SCN1A: variants seen among roughly 807,000 people sequenced by gnomAD.
SCN1A encodes the protein sodium channel protein type 1 subunit alpha.
A neutral mutation model predicts 193.7 loss-of-function variants in SCN1A; 13 were observed. The ratio of observed to expected loss-of-function variants is 0.07; its 90% CI spans 0.04 to 0.11. The LOEUF (loss-of-function observed/expected upper bound fraction) is 0.11, where lower values mean the gene tolerates loss of function less well. Among genes scored for constraint, SCN1A ranks in the 10% least tolerant of loss-of-function variants. The probability of loss-of-function intolerance (pLI) is 1.00; values close to 1 mark genes in which losing one functional copy is unlikely to be tolerated. For missense variants in SCN1A, 1,432 were observed against 2,451.1 expected (o/e 0.58, Z 8.78); for synonymous variants, 781 against 843.6 (o/e 0.93, Z 1.29).
intron 2 of SCN1A, among the ~76,000 whole-genome samples, chr2:166,118,502 T>C (rs574909988): frequency 1.3e-5 from 2 of 151,826 alleles, no homozygotes; most frequent in Non-Finnish European, 2.9e-5. Flanking sequence ...CACAGACTCC[T>C]CAAATCACCT....
chr2:166,112,220 G>A (rs1689368205), intron 2 of SCN1A, among the ~76,000 whole-genome samples: 1 of 152,144 alleles, frequency 6.6e-6, no homozygotes. Context: ...TTTATTGTAA[G>A]AAATTGTCAC....
chr2:166,100,755 A>G (rs1687958564), intron 2 of SCN1A, among the ~76,000 whole-genome samples: 1 of 125,798 alleles, frequency 7.9e-6, no homozygotes, highest in Non-Finnish European at 1.7e-5. Context: ...AACACATGAA[A>G]AAATGCTCAT....
intron 19 of SCN1A, among the ~76,000 whole-genome samples, chr2:166,026,336 A>G (rs1366224811): frequency 6.6e-6 from 1 of 152,134 alleles, no homozygotes; most frequent in African/African-American, 2.4e-5. Flanking sequence ...ATAAAAGATG[A>G]AGTGGTCCAA....
At chr2:166,135,473 C>T (rs71426798) in intron 1 of SCN1A, among the ~76,000 whole-genome samples, 1,561 of 152,274 alleles carry the variant, frequency 0.01, 15 homozygotes, top group Admixed American at 0.017. Flanking sequence ...CACAGCAAAG[C>T]CATCTGTAAA....
At chr2:166,017,950 A>G (rs1693523848) in intron 19 of SCN1A, among the ~76,000 whole-genome samples, 1 of 152,042 alleles carries the variant, frequency 6.6e-6, no homozygotes, top group South Asian at 2.1e-4. Flanking sequence ...GTTGTCAGTA[A>G]TAAGCAGAAC....
chr2:166,002,525 C>T lies in SCN1A; in HGVS notation c.4231G>A (p.Val1411Met), dbSNP rs1691042935. The T allele has an allele frequency of 2.5e-6, 4 of 1,611,468 alleles. No individual in the cohort carries two copies. Among genetic ancestry groups the T allele is most frequent in the Admixed American group, 1.7e-5 (1 of 59,700 alleles). The change falls in exon 24 of 29, where the codon GTG becomes ATG. Residue 1411 changes from valine to methionine, a missense_variant. Val to Met is a conservative substitution (Grantham distance 21). Transcript: ENST00000674923. ...ERNETARWKN[V>M]KVNFDNVGFG... ...CCTACATTATCAAAGTTTACTTTCA[C>T]ATTTTTCCATCGAGCAGTCTCATTT...
upstream of SCN1A, among the ~76,000 whole-genome samples, chr2:166,131,673 A>T (rs1333466179): frequency 6.6e-6 from 1 of 152,238 alleles, no homozygotes; most frequent in East Asian, 1.9e-4. Context: ...CTGAGGAATT[A>T]GTGTAATTAG....
At chr2:166,069,106 A>T (rs2105961821) in intron 4 of SCN1A, among the ~76,000 whole-genome samples, 1 of 152,340 alleles carries the variant, frequency 6.6e-6, no homozygotes, top group East Asian at 1.9e-4. Context: ...CACAAGCTAA[A>T]ATGTGCCTTG....
intron 4 of SCN1A, 175 bp downstream of exon 4, chr2:166,073,183 G>T: frequency 1.4e-6 from 1 of 719,176 alleles, no homozygotes; most frequent in Non-Finnish European, 2.2e-6. Context: ...CATATGTTAT[G>T]ATATAATCAA....
At chr2:165,996,185 AG>A in intron 26 of SCN1A, 68 bp from the exon 27 acceptor site, 1 of 946,702 alleles carries the variant, frequency 1.1e-6, no homozygotes, top group East Asian at 2.4e-5. Context: ...ATGTTAAAAT[AG>A]AAAATGGATG....
At chr2:166,054,594 A>T (rs1349279854) in intron 7 of SCN1A, 44 bp downstream of exon 7, 4 of 1,607,910 alleles carry the variant, frequency 2.5e-6, no homozygotes, top group Non-Finnish European at 3.4e-6. Flanking sequence ...ACTGATGGAA[A>T]ACCAAACTAT....
chr2:166,066,385 A>G (rs1189058531), intron 4 of SCN1A, among the ~76,000 whole-genome samples: 3 of 152,130 alleles, frequency 2.0e-5, no homozygotes, highest in Admixed American at 1.3e-4. Flanking sequence ...TGAGCAAACT[A>G]TTCCCCTCAA....
intron 2 of SCN1A, among the ~76,000 whole-genome samples, chr2:166,081,854 G>C (rs1428150989): frequency 6.6e-6 from 1 of 151,638 alleles, no homozygotes; most frequent in African/African-American, 2.4e-5. Flanking sequence ...TAGAATAATT[G>C]CTATTATTTT....
intron 8 of SCN1A, 143 bp from the exon 9 acceptor site, chr2:166,052,131 G>A (rs1450762883): frequency 3.9e-5 from 26 of 673,478 alleles, no homozygotes; most frequent in Non-Finnish European, 6.1e-5. Flanking sequence ...CTTCATTGAA[G>A]GGGAAGAACT....
At chr2:166,148,008 T>C (rs1346318357) in intron 1 of SCN1A, among the ~76,000 whole-genome samples, 2 of 152,214 alleles carry the variant, frequency 1.3e-5, no homozygotes, top group African/African-American at 2.4e-5. Flanking sequence ...AAACAAATGA[T>C]TGATAGTTAA....
At chr2:166,036,023 C>A (rs775137296) in intron 19 of SCN1A, 25 bp downstream of exon 19, 4 of 1,609,912 alleles carry the variant, frequency 2.5e-6, no homozygotes, top group African/African-American at 1.3e-5. Flanking sequence ...TGTATTCATA[C>A]CTTCCCACAC....
Position 165,988,293 on chromosome 2 carries a change from A to C in SCN1A, c.*2952T>G, listed in dbSNP as rs1355174105. The stretch of plus-strand genomic sequence containing the variant: ...CAAGGCACATCTTTGCTTCCTGCTG[A>C]CTTTCATGAGCTGTTGAATCACCTT... On this transcript the variant is annotated 3_prime_UTR_variant, in exon 29 of 29. Coordinates refer to ENST00000674923, the MANE Select transcript of SCN1A (RefSeq NM_001165963.4). The C allele has an allele frequency of 6.6e-6, 1 of 152,150 alleles. No homozygotes were observed. Among genetic ancestry groups the C allele is most frequent in the Non-Finnish European group, 1.5e-5 (1 of 68,024 alleles). 9.4% of individuals were successfully genotyped at this position (152,150 alleles called of 1,614,324 possible).
chr2:165,989,416 A>T lies in SCN1A; in HGVS notation c.*1829T>A, dbSNP rs984406387. On this transcript the variant is annotated 3_prime_UTR_variant, in exon 29 of 29. Transcript: ENST00000674923. The stretch of plus-strand genomic sequence containing the variant: ...CCACATTCTATTTAGAACAATCTAG[A>T]GCAGCATTACTCCAAAGAAATGAAA... 1 of 152,452 alleles carries T rather than the reference A, an allele frequency of 6.6e-6. No individual in the cohort carries two copies. The highest frequency in any genetic ancestry group is 2.4e-5 in the African/African-American group (1 of 41,430). The allele number at this position is 152,452 out of a possible 1,614,324, so 9.4% of individuals were successfully genotyped here. A position where few individuals can be genotyped will look rare whatever the true frequency, so the allele number is the denominator to read the frequency against.
intron 2 of SCN1A, among the ~76,000 whole-genome samples, chr2:166,084,218 C>CTTT (rs57907653): frequency 5.5e-5 from 7 of 127,326 alleles, no homozygotes; most frequent in Non-Finnish European, 8.2e-5. Context: ...TCTCAATTTT[C>CTTT]TTTTTTTTTT....
Sources: allele counts gnomAD v4.1 joint callset (sites outside exome capture counted in the v4.1 genomes callset), GRCh38; gene constraint gnomAD v4.1.1; transcripts MANE v1.5; gene names NCBI Gene and HGNC (gene_info 2026-07-23, HGNC 2026-07-21).